YAP1: variants seen among roughly 807,000 people sequenced by gnomAD.
YAP1 encodes transcriptional coactivator YAP1.
YAP1 carries 5 observed loss-of-function variants against 56.9 expected under a neutral mutation model. That is an observed-to-expected ratio of 0.09 (90% CI 0.05 to 0.18). The LOEUF is 0.18. Among genes scored for constraint, YAP1 ranks in the 10% least tolerant of loss-of-function variants. YAP1 has a pLI of 1.00. For synonymous variants in YAP1, 265 were observed against 248.1 expected (o/e 1.07, Z -0.64); for missense variants, 539 against 651.8 (o/e 0.83, Z 1.88).
At position 102,111,024 on chromosome 11, in the gene YAP1, G is replaced by T. The variant is rs1318100693; in HGVS notation, c.176G>T (p.Gly59Val). 3.7e-6 allele frequency: 6 copies of T among 1,609,092 alleles called. No individual in the cohort carries two copies. The highest frequency in any genetic ancestry group is 5.1e-6 in the Non-Finnish European group (6 of 1,178,340). The change falls in exon 1 of 9, where the codon GGG (glycine) becomes GTG (valine). Residue 59 changes from glycine to valine, a missense_variant. Transcript: ENST00000282441. ...PAGHQIVHVR[G>V]DSETDLEALF... is the part of the protein sequence containing the mutation. The stretch of plus-strand genomic sequence containing the variant: ...GGGCATCAGATCGTGCACGTCCGCG[G>T]GGACTCGGAGACCGACCTGGAGGCG...
intron 4 of YAP1, chr11:102,186,816 G>GTGTGTGTGTGTGTGTGTC (rs1565245287): frequency 2.1e-4 from 17 of 80,902 alleles, no homozygotes; most frequent in Non-Finnish European, 2.9e-5. Context: ...TTTAAAAAAT[G>GTGTGTGTGTGTGTGTGTC]TGTGTGTGTG....
In YAP1 at chr11:102,231,108, C is replaced by T. The variant is rs1297316022; in HGVS notation, c.*1168C>T. The T allele has an allele frequency of 1.3e-5, 2 of 152,202 alleles. No homozygotes were observed. The highest frequency in any genetic ancestry group is 6.5e-5 in the Admixed American group (1 of 15,278). The allele number at this position is 152,202 out of a possible 1,614,324, so 9.4% of individuals were successfully genotyped here. On this transcript the variant is annotated 3_prime_UTR_variant, in exon 9 of 9. Coordinates refer to ENST00000282441, the MANE Select transcript of YAP1 (RefSeq NM_001130145.3). ...TGTGGATAGTGCCTAGGGGAGTGCTCCACGCCCTCTGGGCATACGGTAGAT... is the reference window on the plus strand; with the variant it reads ...TGTGGATAGTGCCTAGGGGAGTGCTTCACGCCCTCTGGGCATACGGTAGAT...
At chr11:102,178,106 G>C (rs1947370316) in intron 3 of YAP1, among the ~76,000 whole-genome samples, 1 of 152,146 alleles carries the variant, frequency 6.6e-6, no homozygotes. Context: ...TCGTAGGGTT[G>C]TTAAGTGACT....
intron 7 of YAP1, 23 bp from the exon 8 acceptor site, chr11:102,227,446 C>A: frequency 6.4e-7 from 1 of 1,568,108 alleles, no homozygotes; most frequent in Non-Finnish European, 8.8e-7. Flanking sequence ...TTGTGTTGGT[C>A]TTTAACTGTC....
chr11:102,135,618 T>C (rs908757783), intron 2 of YAP1, among the ~76,000 whole-genome samples: 6 of 152,196 alleles, frequency 3.9e-5, no homozygotes, highest in Non-Finnish European at 8.8e-5. Context: ...GGCAGAAGTT[T>C]CAAGCTTCTT....
chr11:102,191,274 T>G (rs1948264434), intron 4 of YAP1, among the ~76,000 whole-genome samples: 1 of 152,144 alleles, frequency 6.6e-6, no homozygotes, highest in South Asian at 2.1e-4. Flanking sequence ...GCTACTCTTC[T>G]GATCACTGCA....
At chr11:102,210,766 T>C (rs1226820944) in intron 6 of YAP1, among the ~76,000 whole-genome samples, 2 of 152,170 alleles carry the variant, frequency 1.3e-5, no homozygotes, top group Non-Finnish European at 2.9e-5. Context: ...TTTGTTTTTG[T>C]TTTTGAGATG....
At chr11:102,155,842 C>T (rs1313697922) in intron 2 of YAP1, among the ~76,000 whole-genome samples, 1 of 152,206 alleles carries the variant, frequency 6.6e-6, no homozygotes, top group Non-Finnish European at 1.5e-5. Flanking sequence ...TCACTGTAGT[C>T]GTATGAGCCA....
intron 2 of YAP1, among the ~76,000 whole-genome samples, chr11:102,144,855 AACACACAC>A (rs565769543): frequency 3.0e-5 from 3 of 100,936 alleles, no homozygotes; most frequent in Admixed American, 9.5e-5. Context: ...CTTTGGCCAA[AACACACAC>A]ACACACACAC....
intron 4 of YAP1, among the ~76,000 whole-genome samples, chr11:102,190,595 C>T (rs1031610603): frequency 6.6e-6 from 1 of 151,724 alleles, no homozygotes; most frequent in Non-Finnish European, 1.5e-5. Context: ...CACTCTACTC[C>T]AGCCTGGGCA....
chr11:102,203,068 G>GT (rs1156602416), intron 4 of YAP1, among the ~76,000 whole-genome samples: 2 of 152,230 alleles, frequency 1.3e-5, no homozygotes, highest in African/African-American at 4.8e-5. Flanking sequence ...GGGAACCTGT[G>GT]TATTAAAACA....
chr11:102,207,599 G>GT (rs957028055), intron 5 of YAP1, among the ~76,000 whole-genome samples: 23 of 151,546 alleles, frequency 1.5e-4, no homozygotes, highest in African/African-American at 3.4e-4. Flanking sequence ...TGTTTTTTGG[G>GT]TTTTTTTTAG....
chr11:102,184,223 G>A lies in YAP1; in HGVS notation c.689-1795G>A, dbSNP rs538309344. Among the ~76,000 whole-genome samples the A allele has an allele frequency of 6.6e-5, 10 of 152,228 alleles. No homozygotes were observed. In the South Asian group the frequency reaches 1.9e-3, roughly 28 times the overall value. ...TCAGTGCCTAAAAATTTTAAATACA[G>A]TTAGTTGTTTTGCAAAAGCTTTTTA... is the stretch of plus-strand genomic sequence containing the variant. On this transcript the variant is annotated intron_variant, in intron 3 of 8. Coordinates refer to ENST00000282441, the MANE Select transcript of YAP1 (RefSeq NM_001130145.3).
At chr11:102,115,061 G>A (rs557669547) in intron 2 of YAP1, among the ~76,000 whole-genome samples, 1 of 152,198 alleles carries the variant, frequency 6.6e-6, no homozygotes, top group South Asian at 2.1e-4. Flanking sequence ...TGACCGTTGG[G>A]TTGTTTATTT....
At chr11:102,188,320 G>A (rs1217748301) in intron 4 of YAP1, among the ~76,000 whole-genome samples, 1 of 152,124 alleles carries the variant, frequency 6.6e-6, no homozygotes, top group African/African-American at 2.4e-5. Flanking sequence ...TCAAGTAGAT[G>A]TGTGTCTTTC....
chr11:102,119,410 C>T (rs1353203721), intron 2 of YAP1, among the ~76,000 whole-genome samples: 1 of 151,962 alleles, frequency 6.6e-6, no homozygotes, highest in Non-Finnish European at 1.5e-5. Flanking sequence ...CAGCATCATT[C>T]AAAGAACAGA....
intron 3 of YAP1, among the ~76,000 whole-genome samples, chr11:102,179,879 T>G (rs1311221380): frequency 6.6e-6 from 1 of 152,110 alleles, no homozygotes; most frequent in African/African-American, 2.4e-5. Context: ...TCCCTGTCCC[T>G]TCAGTTTAAA....
At chr11:102,162,706 A>G (rs986684090) in intron 3 of YAP1, 135 bp downstream of exon 3, 5 of 816,052 alleles carry the variant, frequency 6.1e-6, no homozygotes, top group Non-Finnish European at 9.9e-6. Flanking sequence ...TTTCATACAG[A>G]AGACATAGTC....
chr11:102,189,825 A>G (rs1423616652), intron 4 of YAP1, among the ~76,000 whole-genome samples: 1 of 152,240 alleles, frequency 6.6e-6, no homozygotes, highest in African/African-American at 2.4e-5. Flanking sequence ...ACTAAAGCCG[A>G]AGGTTGTTGA....
Sources: allele counts gnomAD v4.1 joint callset (sites outside exome capture counted in the v4.1 genomes callset), GRCh38; gene constraint gnomAD v4.1.1; transcripts MANE v1.5; gene names NCBI Gene and HGNC (gene_info 2026-07-23, HGNC 2026-07-21).